STARD13: variants seen among roughly 807,000 people sequenced by gnomAD.
STARD13 encodes StAR related lipid transfer domain containing 13.
STARD13 carries 62 observed loss-of-function variants against 106.4 expected under a neutral mutation model. The ratio of observed to expected loss-of-function variants is 0.58; its 90% confidence interval spans 0.48 to 0.72. STARD13 has a LOEUF of 0.72. Ranked by LOEUF, STARD13 falls within the 30% of genes least tolerant of loss-of-function variation. The pLI, the probability that STARD13 is intolerant of heterozygous loss-of-function variation, is 0.00. For missense variants in STARD13, 1,387 were observed against 1,424.0 expected (o/e 0.97, Z 0.42); for synonymous variants, 565 against 553.0 (o/e 1.02, Z -0.31).
At chr13:33,380,274 G>A in the STARD13 span, among the ~76,000 whole-genome samples, 1 of 151,934 alleles carries the variant, frequency 6.6e-6, no homozygotes, top group African/African-American at 2.4e-5. Flanking sequence ...AATTAGCCAG[G>A]CATGGTGGCG....
the STARD13 span, among the ~76,000 whole-genome samples, chr13:33,674,650 C>A: frequency 6.6e-6 from 1 of 152,196 alleles, no homozygotes; most frequent in African/African-American, 2.4e-5. Flanking sequence ...AGACCCCAGA[C>A]TGTCAAAGAT....
chr13:33,574,579 A>G, the STARD13 span, among the ~76,000 whole-genome samples: 1 of 152,136 alleles, frequency 6.6e-6, no homozygotes, highest in Non-Finnish European at 1.5e-5. Flanking sequence ...TTACAAAAAC[A>G]TAAATAAATA....
At chr13:33,665,760 G>C in the STARD13 span, among the ~76,000 whole-genome samples, 1 of 152,134 alleles carries the variant, frequency 6.6e-6, no homozygotes. Flanking sequence ...GCAGCCATTC[G>C]GAAAAGGCTG....
chr13:33,296,918 C>T lies in STARD13; in HGVS notation c.124+53372G>A, dbSNP rs144263425. Among the ~76,000 whole-genome samples the T allele has an allele frequency of 2.4e-3, 361 of 152,338 alleles. 3 individuals are homozygous for T. The highest frequency in any genetic ancestry group is 7.7e-3 in the African/African-American group (319 of 41,580). On this transcript the variant is annotated intron_variant, in intron 1 of 5. Coordinates refer to the STARD13 transcript ENST00000567873. The stretch of plus-strand genomic sequence containing the variant: ...ATAGGCATGAGCCACTGCGCCCGGC[C>T]GAGTTCAACTTTTTAAAATTCCACA...
At chr13:33,487,953 C>A in the STARD13 span, among the ~76,000 whole-genome samples, 4 of 152,172 alleles carry the variant, frequency 2.6e-5, no homozygotes, top group Non-Finnish European at 4.4e-5. Flanking sequence ...AAGGTCTGTT[C>A]TCTCAGTGCT....
the STARD13 span, among the ~76,000 whole-genome samples, chr13:33,412,833 A>G: frequency 1.3e-5 from 2 of 152,180 alleles, no homozygotes; most frequent in African/African-American, 4.8e-5. Flanking sequence ...TAGAACAAAA[A>G]GGAAAAATAG....
chr13:33,392,043 T>A, the STARD13 span, among the ~76,000 whole-genome samples: 1 of 152,170 alleles, frequency 6.6e-6, no homozygotes, highest in Admixed American at 6.5e-5. Flanking sequence ...CTTCTTCGTT[T>A]TGCAGGTGGT....
rs1238313586 is a variant in STARD13, at chr13:33,280,693, G to A, written c.169+4777C>T. ...CGATATTAATGAAAGCATGACACAG[G>A]TTTCAAGGAAGCATGTCCAGGTATA... On this transcript the variant is annotated intron_variant, in intron 1 of 13. Coordinates refer to ENST00000336934, the MANE Select transcript of STARD13 (RefSeq NM_178006.4). 3.9e-5 allele frequency: 6 copies of A among 152,244 alleles called. No individual in the cohort carries two copies. The East Asian group carries it at 1.2e-3, about 29-fold the overall frequency. The allele number at this position is 152,244 out of a possible 1,614,324, so 9.4% of individuals were successfully genotyped here.
the STARD13 span, among the ~76,000 whole-genome samples, chr13:33,645,381 A>T: frequency 6.6e-6 from 1 of 152,110 alleles, no homozygotes. Flanking sequence ...CTACCAGATG[A>T]TGTGTCTATA....
chr13:33,499,761 CTTTTT>C, the STARD13 span, among the ~76,000 whole-genome samples: 1 of 94,578 alleles, frequency 1.1e-5, no homozygotes, highest in Non-Finnish European at 2.0e-5. Flanking sequence ...CTTCTTCTTT[CTTTTT>C]TTTTTTTTTT....
chr13:33,450,319 T>C, the STARD13 span, among the ~76,000 whole-genome samples: 54 of 152,356 alleles, frequency 3.5e-4, no homozygotes, highest in African/African-American at 1.2e-3. Context: ...ATCAAATACT[T>C]CTATTGAGAT....
the STARD13 span, chr13:33,676,759 C>T: frequency 2.0e-5 from 3 of 152,284 alleles, no homozygotes; most frequent in East Asian, 5.8e-4. Flanking sequence ...GCATGAAAGT[C>T]TCATCTGTCA....
chr13:33,459,237 C>T, the STARD13 span, among the ~76,000 whole-genome samples: 1 of 152,254 alleles, frequency 6.6e-6, no homozygotes, highest in Admixed American at 6.5e-5. Flanking sequence ...CCCTTTTCCA[C>T]CTCTCCCATT....
intron 1 of STARD13, among the ~76,000 whole-genome samples, chr13:33,242,441 T>C (rs1260787446): frequency 1.3e-5 from 2 of 152,246 alleles, no homozygotes; most frequent in South Asian, 2.1e-4. Context: ...TGTTAATCTA[T>C]AACCTTACCC....
At chr13:33,317,163 A>G (rs1382043849) in intron 1 of STARD13, among the ~76,000 whole-genome samples, 1 of 151,906 alleles carries the variant, frequency 6.6e-6, no homozygotes, top group Non-Finnish European at 1.5e-5. Context: ...TTAAACACTA[A>G]ATATATCCTG....
the STARD13 span, among the ~76,000 whole-genome samples, chr13:33,383,925 T>G: frequency 1.8e-4 from 28 of 152,222 alleles, no homozygotes; most frequent in African/African-American, 6.3e-4. Flanking sequence ...GGGGAAGTGG[T>G]TTGGCCAGCT....
upstream of STARD13, among the ~76,000 whole-genome samples, chr13:33,289,704 T>G (rs1892212257): frequency 6.6e-6 from 1 of 152,140 alleles, no homozygotes; most frequent in South Asian, 2.1e-4. Context: ...CATGGAAATA[T>G]GGGTATGGGG....
chr13:33,308,630 T>C (rs1893015708), intron 1 of STARD13, among the ~76,000 whole-genome samples: 2 of 151,086 alleles, frequency 1.3e-5, no homozygotes, highest in Admixed American at 1.3e-4. Context: ...TTCAAGTGGT[T>C]CTCCTGCCTC....
At chr13:33,470,265 A>G in the STARD13 span, among the ~76,000 whole-genome samples, 1 of 152,102 alleles carries the variant, frequency 6.6e-6, no homozygotes, top group Non-Finnish European at 1.5e-5. Flanking sequence ...TCCGCGGTGT[A>G]TATGTGCCAC....
Sources: allele counts gnomAD v4.1 joint callset (sites outside exome capture counted in the v4.1 genomes callset), GRCh38; gene constraint gnomAD v4.1.1; transcripts MANE v1.5; gene names NCBI Gene and HGNC (gene_info 2026-07-23, HGNC 2026-07-21).